SEMA6D: variants seen among roughly 807,000 people sequenced by gnomAD.
SEMA6D encodes semaphorin-6D.
SEMA6D carries 35 observed loss-of-function variants against 106.6 expected under a neutral mutation model. That is an observed-to-expected ratio of 0.33 (90% confidence interval 0.25 to 0.44). SEMA6D has a LOEUF of 0.44. Ranked by LOEUF, SEMA6D falls within the 20% of genes least tolerant of loss-of-function variation. The pLI, the probability that SEMA6D is intolerant of heterozygous loss-of-function variation, is 1.00. For synonymous variants in SEMA6D, 499 were observed against 487.7 expected, an observed-to-expected ratio of 1.02 and a Z score of -0.31; for missense variants, 1,185 against 1,345.9, an observed-to-expected ratio of 0.88 and a Z score of 1.87.
chr15:47,322,559 C>G (rs2036965592), intron 1 of SEMA6D, among the ~76,000 whole-genome samples: 1 of 152,030 alleles, frequency 6.6e-6, no homozygotes, highest in Non-Finnish European at 1.5e-5. Flanking sequence ...CGAATCATAT[C>G]GGGGATACAT....
intron 2 of SEMA6D, among the ~76,000 whole-genome samples, chr15:47,425,314 GGTGA>G (rs2041294836): frequency 1.3e-5 from 2 of 152,076 alleles, no homozygotes; most frequent in African/African-American, 4.8e-5. Flanking sequence ...ATCTGCAGTT[GGTGA>G]GTGAGAAGAG....
intron 1 of SEMA6D, among the ~76,000 whole-genome samples, chr15:47,316,370 G>T (rs1259869703): frequency 2.0e-5 from 3 of 151,888 alleles, no homozygotes; most frequent in African/African-American, 7.3e-5. Context: ...GGGATTACAT[G>T]CTTGAGCCAC....
chr15:47,564,771 C>T (rs985687404), intron 3 of SEMA6D, among the ~76,000 whole-genome samples: 1 of 152,060 alleles, frequency 6.6e-6, no homozygotes, highest in Non-Finnish European at 1.5e-5. Flanking sequence ...GTTGCCTTTT[C>T]CTAAACCACC....
At chr15:47,312,146 G>GTTTTTTT (rs55676647) in intron 1 of SEMA6D, among the ~76,000 whole-genome samples, 1 of 142,232 alleles carries the variant, frequency 7.0e-6, no homozygotes, top group Admixed American at 6.9e-5. Context: ...TCTTTCTAGG[G>GTTTTTTT]TTTTTTTTTT....
intron 1 of SEMA6D, among the ~76,000 whole-genome samples, chr15:47,235,341 G>T (rs1455859247): frequency 6.6e-6 from 1 of 151,504 alleles, no homozygotes; most frequent in African/African-American, 2.4e-5. Context: ...AGTTTAATTA[G>T]GTCCCATCAA....
chr15:47,709,960 G>A (rs2146052605), intron 4 of SEMA6D, among the ~76,000 whole-genome samples: 1 of 150,640 alleles, frequency 6.6e-6, no homozygotes, highest in African/African-American at 2.4e-5. Context: ...TAAGGAGTCA[G>A]CAGCCCAGAC....
intron 1 of SEMA6D, among the ~76,000 whole-genome samples, chr15:47,280,310 T>A (rs1441354421): frequency 2.0e-5 from 3 of 151,894 alleles, no homozygotes; most frequent in Admixed American, 6.6e-5. Context: ...CTAGTTTATT[T>A]GCGTAGAGGT....
At chr15:47,697,062 G>A (rs113322573) in intron 4 of SEMA6D, among the ~76,000 whole-genome samples, 281 of 152,162 alleles carry the variant, frequency 1.8e-3, no homozygotes, top group African/African-American at 6.4e-3. Flanking sequence ...AAATTTTTAC[G>A]AAATTGTTGA....
At chr15:47,201,463 T>G (rs947823202) in intron 1 of SEMA6D, among the ~76,000 whole-genome samples, 1 of 152,176 alleles carries the variant, frequency 6.6e-6, no homozygotes, top group African/African-American at 2.4e-5. Context: ...TTTCTGTCTT[T>G]TCTTTTAAAT....
chr15:47,353,603 C>A (rs990225856), intron 1 of SEMA6D, among the ~76,000 whole-genome samples: 1 of 152,134 alleles, frequency 6.6e-6, no homozygotes, highest in Non-Finnish European at 1.5e-5. Flanking sequence ...TGTTACATCT[C>A]CTTGTAACCC....
rs147301350 is a variant in SEMA6D at position 47,291,819 on chromosome 15, T to A, written c.-239+107401T>A. Among the ~76,000 whole-genome samples the A allele has an allele frequency of 5.7e-3, 867 of 152,360 alleles. 13 individuals carry two copies. Among genetic ancestry groups the A allele is most frequent in the African/African-American group, 0.02 (822 of 41,592 alleles). ...ATAGACCTTTTGTTGTGTTTGGTTA[T>A]GTCTATCTAATCTATATCTGTCTTT... On this transcript the variant is annotated intron_variant, in intron 1 of 19. Coordinates refer to the SEMA6D transcript ENST00000558014.
intron 1 of SEMA6D, among the ~76,000 whole-genome samples, chr15:47,255,866 A>G (rs2033779987): frequency 6.6e-6 from 1 of 152,136 alleles, no homozygotes; most frequent in South Asian, 2.1e-4. Context: ...ATTTTTCTGT[A>G]AAGTTTGAGG....
intron 2 of SEMA6D, among the ~76,000 whole-genome samples, chr15:47,461,302 C>T (rs1021453101): frequency 6.6e-6 from 1 of 152,136 alleles, no homozygotes. Flanking sequence ...TGCCTTTATT[C>T]ATTAGACTAC....
At chr15:47,199,588 A>T (rs999640026) in intron 1 of SEMA6D, among the ~76,000 whole-genome samples, 2 of 152,176 alleles carry the variant, frequency 1.3e-5, no homozygotes, top group African/African-American at 4.8e-5. Context: ...CCTTCCAAAA[A>T]AATGATGTAG....
At chr15:47,702,708 T>C (rs907536950) in intron 4 of SEMA6D, among the ~76,000 whole-genome samples, 2 of 152,080 alleles carry the variant, frequency 1.3e-5, no homozygotes, top group African/African-American at 4.8e-5. Context: ...TATCAATCTA[T>C]GAAAAGACAT....
At chr15:47,462,451 G>A (rs2042543550) in intron 2 of SEMA6D, among the ~76,000 whole-genome samples, 2 of 151,958 alleles carry the variant, frequency 1.3e-5, no homozygotes, top group Admixed American at 6.6e-5. Flanking sequence ...CTTCTCAGAC[G>A]GGAACTATAT....
intron 1 of SEMA6D, among the ~76,000 whole-genome samples, chr15:47,232,730 G>T (rs899939614): frequency 6.7e-6 from 1 of 149,082 alleles, no homozygotes; most frequent in Non-Finnish European, 1.5e-5. Context: ...CATATACTTT[G>T]TTTGAAAAAA....
intron 4 of SEMA6D, among the ~76,000 whole-genome samples, chr15:47,601,727 A>G (rs978262179): frequency 1.3e-5 from 2 of 152,232 alleles, no homozygotes; most frequent in Non-Finnish European, 2.9e-5. Flanking sequence ...TGAAAATTTT[A>G]AAGTTCTCCA....
At chr15:47,443,282 T>C (rs2041935188) in intron 2 of SEMA6D, among the ~76,000 whole-genome samples, 1 of 152,098 alleles carries the variant, frequency 6.6e-6, no homozygotes, top group South Asian at 2.1e-4. Context: ...TGTTGGCCAA[T>C]AGCAAATAGT....
Sources: allele counts gnomAD v4.1 joint callset (sites outside exome capture counted in the v4.1 genomes callset), GRCh38; gene constraint gnomAD v4.1.1; transcripts MANE v1.5; gene names NCBI Gene and HGNC (gene_info 2026-07-23, HGNC 2026-07-21).